The following C15orf40 variants were observed in gnomAD, a reference collection of about 807,000 sequenced individuals.
C15orf40 encodes chromosome 15 open reading frame 40.
A neutral mutation model predicts 13.9 loss-of-function variants in C15orf40; 9 were observed. The observed-to-expected ratio is 0.65, with a 90% confidence interval of 0.39 to 1.13. The LOEUF (loss-of-function observed/expected upper bound fraction) is 1.13, where lower values mean the gene tolerates loss of function less well. C15orf40 is among the 50% of genes most tolerant of loss of function. The probability of loss-of-function intolerance (pLI) is 0.01; values close to 1 mark genes in which losing one functional copy is unlikely to be tolerated. For missense variants in C15orf40, 225 were observed against 188.5 expected (o/e 1.19, Z -1.13); for synonymous variants, 95 against 69.2 (o/e 1.37, Z -1.85).
chr15:82,992,362 G>A (rs970985862), downstream of C15orf40, among the ~76,000 whole-genome samples: 3 of 151,862 alleles, frequency 2.0e-5, no homozygotes. Context: ...TTAAAAATAC[G>A]AAAATTAGCC....
chr15:83,011,473 G>A, intron 1 of C15orf40, 24 bp downstream of exon 1: 1 of 1,587,666 alleles, frequency 6.3e-7, no homozygotes, highest in Non-Finnish European at 8.6e-7. Context: ...CCACCCCTCT[G>A]CCGCCACGGG....
At chr15:82,989,751 A>G (rs2030779223), downstream of C15orf40, 13 of 1,168,908 alleles carry the variant, frequency 1.1e-5, no homozygotes, top group Non-Finnish European at 1.5e-5. Context: ...ATAACATTCT[A>G]TTGTGAAAAA....
downstream of C15orf40, chr15:82,989,243 A>G (rs2030756848): frequency 3.2e-6 from 5 of 1,577,696 alleles, no homozygotes; most frequent in South Asian, 5.8e-5. Context: ...GATAGCTTTA[A>G]TCTGCTAGAC....
rs1048953550 is a variant in C15orf40 at position 83,001,341 on chromosome 15, A to C, written c.*4256T>G. On this transcript the variant is annotated 3_prime_UTR_variant, in exon 4 of 4. Coordinates refer to ENST00000304177, the MANE Select transcript of C15orf40 (RefSeq NM_144597.3). ...AAGCAACCAAGTTAATAAGTGATTA[A>C]TACATCATGTTTGCACAAGTAATTA... The C allele has an allele frequency of 7.3e-6, 7 of 963,756 alleles. No individual in the cohort carries two copies. The highest frequency in any genetic ancestry group is 1.2e-6 in the Non-Finnish European group (1 of 810,244). The allele number at this position is 963,756 out of a possible 1,614,324, so 59.7% of individuals were successfully genotyped here. A position where few individuals can be genotyped will look rare whatever the true frequency, so the allele number is the denominator to read the frequency against.
In C15orf40 at chr15:83,000,126, A is replaced by G. The variant is rs2031354401; in HGVS notation, c.*5471T>C. 6.6e-6 allele frequency: 1 copy of G among 152,218 alleles called. No individual in the cohort carries two copies. The highest frequency in any genetic ancestry group is 6.5e-5 in the Admixed American group (1 of 15,278). 9.4% of individuals were successfully genotyped at this position (152,218 alleles called of 1,614,324 possible). Reference sequence around the variant, plus strand: ...CCCTGGCTCTGATTCCAGGCTCTCCAAGCAGCCTTCAAATGATGATTCTCT... The same window carrying G: ...CCCTGGCTCTGATTCCAGGCTCTCCGAGCAGCCTTCAAATGATGATTCTCT... On this transcript the variant is annotated 3_prime_UTR_variant, in exon 4 of 4. Coordinates refer to ENST00000304177, the MANE Select transcript of C15orf40 (RefSeq NM_144597.3).
At chr15:82,989,008 A>C (rs199910176), downstream of C15orf40, 275 of 1,592,778 alleles carry the variant, frequency 1.7e-4, 1 homozygote, top group African/African-American at 3.5e-3. Flanking sequence ...AAAATTGTAC[A>C]GATTTTCAGA....
At position 82,997,331 on chromosome 15, in the gene C15orf40, T is replaced by C. The variant is rs960333650; in HGVS notation, c.*8266A>G. The C allele has an allele frequency of 6.8e-6, 1 of 147,994 alleles. No individual in the cohort carries two copies. Among genetic ancestry groups the C allele is most frequent in the Non-Finnish European group, 1.5e-5 (1 of 67,312 alleles). 9.2% of individuals were successfully genotyped at this position (147,994 alleles called of 1,614,324 possible). ...AGTGAACAAAGGTCTCTGGTTTTCCTAGGCAGAGGACCCTGCGGCCTTCCG... is the reference window on the plus strand; with the variant it reads ...AGTGAACAAAGGTCTCTGGTTTTCCCAGGCAGAGGACCCTGCGGCCTTCCG... On this transcript the variant is annotated 3_prime_UTR_variant, in exon 4 of 4. Coordinates refer to ENST00000304177, the MANE Select transcript of C15orf40 (RefSeq NM_144597.3).
chr15:82,990,436 C>T, downstream of C15orf40: 1 of 497,550 alleles, frequency 2.0e-6, no homozygotes, highest in South Asian at 2.9e-5. Context: ...CTTAGATGTG[C>T]TCGTTTCTAA....
downstream of C15orf40, chr15:82,989,913 A>C (rs763578602): frequency 3.7e-6 from 6 of 1,612,242 alleles, 1 homozygote; most frequent in South Asian, 6.6e-5. Flanking sequence ...AGAGGCAGGG[A>C]CAACAGATGG....
chr15:82,992,624 GC>G (rs2030909383), downstream of C15orf40, among the ~76,000 whole-genome samples: 2 of 152,190 alleles, frequency 1.3e-5, no homozygotes, highest in African/African-American at 4.8e-5. Flanking sequence ...TCTGTGCTGT[GC>G]CAGCTGTTGA....
chr15:83,005,820 G>C, intron 3 of C15orf40, 128 bp from the exon 4 acceptor site: 1 of 1,312,256 alleles, frequency 7.6e-7, no homozygotes, highest in Non-Finnish European at 9.9e-7. Context: ...TCTAACCAAA[G>C]ACTATCTCTT....
Position 83,011,515 on chromosome 15 carries a change from C to G in C15orf40, c.93G>C (p.Lys31Asn). ...TACTGGCCTTGGTCGTCGCACCAGC[C>G]TTCTTAGGCATCTCGGCGCAAAGAA... ...ARLLCAEMPK[K>N]AGATTKGKSQ... The change falls in exon 1 of 4, where the codon AAG (lysine) becomes AAC (asparagine). Residue 31 changes from lysine (K) to asparagine (N), a missense_variant. Transcript: ENST00000304177. 1.9e-6 allele frequency: 3 copies of G among 1,606,802 alleles called. No homozygotes were observed. Among genetic ancestry groups the G allele is most frequent in the Non-Finnish European group, 2.5e-6 (3 of 1,178,104 alleles).
chr15:82,989,249 TA>T (rs1383138255), downstream of C15orf40: 45 of 1,558,154 alleles, frequency 2.9e-5, no homozygotes, highest in Non-Finnish European at 3.7e-5. Flanking sequence ...TTTAATCTGC[TA>T]GACTGGAAGG....
chr15:82,997,374 A>T lies in C15orf40; in HGVS notation c.*8223T>A, dbSNP rs1163315136. Reference sequence around the variant, plus strand: ...GCCTTCCGCAGTGTTTGTGTCCCTGATTACTTGAGATTAGGGAGTGGTGAT... The same window carrying T: ...GCCTTCCGCAGTGTTTGTGTCCCTGTTTACTTGAGATTAGGGAGTGGTGAT... On this transcript the variant is annotated 3_prime_UTR_variant, in exon 4 of 4. Transcript: ENST00000304177. The T allele has an allele frequency of 6.9e-6, 1 of 145,238 alleles. No individual in the cohort carries two copies. The highest frequency in any genetic ancestry group is 2.6e-5 in the African/African-American group (1 of 38,254). The allele number at this position is 145,238 out of a possible 1,614,324, so 9.0% of individuals were successfully genotyped here.
intron 2 of C15orf40, among the ~76,000 whole-genome samples, chr15:83,009,065 T>C (rs967912185): frequency 3.0e-4 from 45 of 152,248 alleles, no homozygotes; most frequent in East Asian, 1.9e-4. Flanking sequence ...GGCAGCTTAC[T>C]AGATTGTACA....
downstream of C15orf40, chr15:82,989,193 G>A: frequency 6.2e-7 from 1 of 1,610,424 alleles, no homozygotes; most frequent in South Asian, 1.1e-5. Flanking sequence ...CAATCGGTGT[G>A]TATTCAAAAG....
downstream of C15orf40, among the ~76,000 whole-genome samples, chr15:82,992,275 G>T (rs1239540071): frequency 4.6e-5 from 7 of 152,104 alleles, no homozygotes; most frequent in African/African-American, 7.2e-5. Flanking sequence ...CAGCACTTTG[G>T]GGGGCTGAGA....
rs564304655 is a variant in C15orf40 at position 83,003,662 on chromosome 15, A to G, written c.*1935T>C. On this transcript the variant is annotated 3_prime_UTR_variant, in exon 4 of 4. Coordinates refer to ENST00000304177, the MANE Select transcript of C15orf40 (RefSeq NM_144597.3). ...CCATTAATGTGCACTGTGATCTCAC[A>G]TAAGCCACCTTTTCTTGCCCTTGAT... The G allele has an allele frequency of 6.6e-6, 1 of 152,364 alleles. No individual in the cohort carries two copies. Among genetic ancestry groups the G allele is most frequent in the East Asian group, 1.9e-4 (1 of 5,190 alleles). 9.4% of individuals were successfully genotyped at this position (152,364 alleles called of 1,614,324 possible).
rs1364782044 is a variant in C15orf40, at chr15:82,998,978, G to C, written c.*6619C>G. 6.2e-6 allele frequency: 1 copy of C among 160,068 alleles called. No individual in the cohort carries two copies. Among genetic ancestry groups the C allele is most frequent in the Non-Finnish European group, 1.4e-5 (1 of 73,544 alleles). The allele number at this position is 160,068 out of a possible 1,614,324, so 9.9% of individuals were successfully genotyped here. On this transcript the variant is annotated 3_prime_UTR_variant, in exon 4 of 4. Transcript: ENST00000304177. ...GTGGTTAGGGGCTGGAGACCGGCCCGGCCAACACAGCGAAACCCCGTCTCC... is the reference window on the plus strand; with the variant it reads ...GTGGTTAGGGGCTGGAGACCGGCCCCGCCAACACAGCGAAACCCCGTCTCC...
Sources: allele counts gnomAD v4.1 joint callset (sites outside exome capture counted in the v4.1 genomes callset), GRCh38; gene constraint gnomAD v4.1.1; transcripts MANE v1.5; gene names NCBI Gene and HGNC (gene_info 2026-07-23, HGNC 2026-07-21).